The following FRMD4A variants were observed in gnomAD, a reference collection of about 807,000 sequenced individuals.
The protein encoded by FRMD4A is FERM domain containing 4A, also known as FERM domain-containing protein 4A.
In FRMD4A, 29 loss-of-function variants were observed where a neutral mutation model predicts 129.1. That is an observed-to-expected ratio of 0.22 (90% CI 0.17 to 0.31). FRMD4A has a LOEUF of 0.31. FRMD4A is among the 10% of genes least tolerant of loss of function. The probability of loss-of-function intolerance (pLI) is 1.00; values close to 1 mark genes in which losing one functional copy is unlikely to be tolerated. For missense variants in FRMD4A, 1,272 were observed against 1,375.8 expected (o/e 0.92, Z 1.19); for synonymous variants, 634 against 571.6 (o/e 1.11, Z -1.56).
At chr10:13,977,391 A>G (rs1443798408) in intron 2 of FRMD4A, among the ~76,000 whole-genome samples, 2 of 152,164 alleles carry the variant, frequency 1.3e-5, no homozygotes, top group East Asian at 3.8e-4. Flanking sequence ...AGCAATCTCC[A>G]TGTGTAATCA....
intron 6 of FRMD4A, among the ~76,000 whole-genome samples, chr10:13,779,471 C>T (rs958370083): frequency 2.0e-5 from 3 of 152,210 alleles, no homozygotes; most frequent in Non-Finnish European, 4.4e-5. Context: ...TGACTGAATG[C>T]ACTACCCTTA....
intron 17 of FRMD4A, among the ~76,000 whole-genome samples, chr10:13,667,170 C>T (rs560622184): frequency 6.6e-6 from 1 of 152,284 alleles, no homozygotes; most frequent in Admixed American, 6.5e-5. Context: ...CCTTGGCCTC[C>T]CAAAGTGCTG....
intron 2 of FRMD4A, among the ~76,000 whole-genome samples, chr10:13,886,080 A>T (rs150370384): frequency 1.6e-4 from 25 of 152,244 alleles, no homozygotes; most frequent in African/African-American, 5.8e-4. Context: ...TTTGGGTTTT[A>T]TCACATCTAT....
chr10:13,871,286 G>C (rs1430747018), intron 2 of FRMD4A: 1 of 153,698 alleles, frequency 6.5e-6, no homozygotes, highest in East Asian at 1.9e-4. Context: ...GCACGGGGCT[G>C]TGTGGGGGCG....
intron 3 of FRMD4A, among the ~76,000 whole-genome samples, chr10:13,845,109 C>T (rs1000653497): frequency 6.6e-6 from 1 of 152,128 alleles, no homozygotes; most frequent in Admixed American, 6.5e-5. Flanking sequence ...TGGGACGCAA[C>T]CATTGAAATC....
At chr10:13,880,622 G>GGACCTCTCCTGGGTGC (rs2094536304) in intron 2 of FRMD4A, among the ~76,000 whole-genome samples, 1 of 152,072 alleles carries the variant, frequency 6.6e-6, no homozygotes, top group Non-Finnish European at 1.5e-5. Context: ...CATGGCTCTG[G>GGACCTCTCCTGGGTGC]GACCTCTCCT....
At chr10:14,065,300 C>T (rs1244972990) in intron 2 of FRMD4A, among the ~76,000 whole-genome samples, 1 of 152,202 alleles carries the variant, frequency 6.6e-6, no homozygotes, top group Admixed American at 6.5e-5. Flanking sequence ...TCTCATGCCT[C>T]AGCCTCCCGA....
At chr10:14,133,129 G>A (rs1160577395) in intron 2 of FRMD4A, among the ~76,000 whole-genome samples, 1 of 152,176 alleles carries the variant, frequency 6.6e-6, no homozygotes, top group Non-Finnish European at 1.5e-5. Context: ...TGATAAAAAT[G>A]ATTTCAATTT....
chr10:13,934,209 G>T (rs562135422), intron 2 of FRMD4A, among the ~76,000 whole-genome samples: 1 of 152,326 alleles, frequency 6.6e-6, no homozygotes, highest in South Asian at 2.1e-4. Context: ...TAGAGACATA[G>T]TTTTCTTAAT....
At chr10:13,740,281 A>G in intron 10 of FRMD4A, 30 bp from the exon 11 acceptor site, 1 of 1,511,028 alleles carries the variant, frequency 6.6e-7, no homozygotes, top group Non-Finnish European at 9.2e-7. Context: ...ATACACAAAC[A>G]CACACACAAT....
At chr10:13,979,626 G>A (rs538253599) in intron 2 of FRMD4A, among the ~76,000 whole-genome samples, 10 of 152,276 alleles carry the variant, frequency 6.6e-5, no homozygotes, top group Non-Finnish European at 1.2e-4. Context: ...CTCTTGACTC[G>A]TTGGGGGTAT....
intron 2 of FRMD4A, among the ~76,000 whole-genome samples, chr10:13,913,109 A>C (rs553039551): frequency 3.3e-5 from 5 of 152,156 alleles, no homozygotes; most frequent in Non-Finnish European, 5.9e-5. Flanking sequence ...TCAGAAAAGA[A>C]ATGAAGTGCT....
intron 2 of FRMD4A, among the ~76,000 whole-genome samples, chr10:13,876,153 A>G (rs2094487252): frequency 6.6e-6 from 1 of 152,260 alleles, no homozygotes; most frequent in African/African-American, 2.4e-5. Flanking sequence ...TCAGGGACAG[A>G]CGGACTCTAA....
chr10:14,090,460 G>T (rs943575983), intron 2 of FRMD4A, among the ~76,000 whole-genome samples: 3 of 152,180 alleles, frequency 2.0e-5, no homozygotes, highest in Admixed American at 2.0e-4. Context: ...CAACCAGCCC[G>T]TGGGCATCAT....
intron 2 of FRMD4A, among the ~76,000 whole-genome samples, chr10:14,256,507 G>A (rs975981400): frequency 1.3e-5 from 2 of 152,062 alleles, no homozygotes; most frequent in Admixed American, 1.3e-4. Flanking sequence ...ATTTTTCATG[G>A]CAATTATAAT....
rs547841446 is a variant in FRMD4A, at chr10:13,846,719, G to A, written c.111+12128C>T. Among the ~76,000 whole-genome samples the A allele has an allele frequency of 2.3e-3, 357 of 152,302 alleles. 2 individuals are homozygous for A. The highest frequency in any genetic ancestry group is 0.013 in the South Asian group (64 of 4,818). ...GTACTCCTCACCTCTCTGATACACT[G>A]TCTCTCGTAAACAGCTCACAGTCAT... On this transcript the variant is annotated intron_variant, in intron 3 of 24. Coordinates refer to ENST00000357447, the MANE Select transcript of FRMD4A (RefSeq NM_018027.5).
intron 8 of FRMD4A, among the ~76,000 whole-genome samples, chr10:13,752,339 G>A (rs148819450): frequency 5.7e-4 from 87 of 152,332 alleles, no homozygotes; most frequent in Non-Finnish European, 1.1e-3. Flanking sequence ...ATTTGCCACA[G>A]TGAACAGCAG....
rs561733590 is a variant in FRMD4A at position 14,177,130 on chromosome 10, T to C, written c.45+152928A>G. On this transcript the variant is annotated intron_variant, in intron 2 of 24. Coordinates refer to ENST00000357447, the MANE Select transcript of FRMD4A (RefSeq NM_018027.5). ...TTCATGAACAGGTTTGCACTGTTTG[T>C]GCCCTTTCTAAACTCAGAAACCCCT... is the stretch of plus-strand genomic sequence containing the variant. Among the ~76,000 whole-genome samples the C allele has an allele frequency of 2.8e-4, 42 of 152,352 alleles. 1 individual carries two copies. The highest frequency in any genetic ancestry group is 1.2e-3 in the Admixed American group (18 of 15,302).
rs1366164134 is a variant in FRMD4A at position 13,821,250 on chromosome 10, C to T, written c.112-10342G>A. On this transcript the variant is annotated intron_variant, in intron 3 of 24. Coordinates refer to ENST00000357447, the MANE Select transcript of FRMD4A (RefSeq NM_018027.5). This position sits in a 1 kb window ranked among gnomAD's most constrained non-coding sequence, Gnocchi z 4.3. ...CTTAGCTGGGAAGGCTGGTTTCCTT[C>T]CTGCCTCTCCAGCACAGCCCTGGGT... Among the ~76,000 whole-genome samples, 4 of 152,216 alleles carry T rather than the reference C, an allele frequency of 2.6e-5. No individual in the cohort carries two copies. The highest frequency in any genetic ancestry group is 9.6e-5 in the African/African-American group (4 of 41,538).
Sources: allele counts gnomAD v4.1 joint callset (sites outside exome capture counted in the v4.1 genomes callset), GRCh38; gene constraint gnomAD v4.1.1; non-coding constraint Gnocchi (gnomAD v3.1); transcripts MANE v1.5; gene names NCBI Gene and HGNC (gene_info 2026-07-23, HGNC 2026-07-21).